The following MTRR variants were observed in gnomAD, a reference collection of about 807,000 sequenced individuals.
The protein encoded by MTRR is 5-methyltetrahydrofolate-homocysteine methyltransferase reductase.
MTRR carries 63 observed loss-of-function variants against 79.2 expected under a neutral mutation model. The observed-to-expected ratio is 0.80, with a 90% CI of 0.65 to 0.98. MTRR has a LOEUF of 0.98. Among genes scored for constraint, MTRR ranks in the 50% least tolerant of loss-of-function variants. The probability of loss-of-function intolerance (pLI) is 0.00; values close to 1 mark genes in which losing one functional copy is unlikely to be tolerated. For synonymous variants in MTRR, 355 were observed against 313.3 expected, an observed-to-expected ratio of 1.13 and a Z score of -1.41; for missense variants, 895 against 839.6, an observed-to-expected ratio of 1.07 and a Z score of -0.82.
intron 4 of MTRR, 116 bp downstream of exon 4, chr5:7,875,491 G>T: frequency 1.0e-6 from 1 of 996,580 alleles, no homozygotes; most frequent in South Asian, 1.3e-5. Flanking sequence ...TTTTACTTTT[G>T]TTCGCTTTTT....
At chr5:7,866,461 C>A (rs553253428), upstream of MTRR, among the ~76,000 whole-genome samples, 3 of 152,278 alleles carry the variant, frequency 2.0e-5, no homozygotes, top group African/African-American at 7.2e-5. Context: ...AGCTTTCTTC[C>A]CTCTACATGA....
In MTRR at chr5:7,873,435, C is replaced by T. The variant is rs1478314156; in HGVS notation, c.192C>T (p.Asp64=). The change falls in exon 3 of 15, where the codon GAC becomes GAT. Residue 64 remains aspartate (D), a synonymous_variant. Transcript: ENST00000440940. ...VVVVSTTGTG[D]PPDTARKFVK... ...TGGTTTCTACCACGGGCACCGGAGACCCACCCGACACAGCCCGCAAGTTTG... is the reference window on the plus strand; with the variant it reads ...TGGTTTCTACCACGGGCACCGGAGATCCACCCGACACAGCCCGCAAGTTTG... 2 of 1,614,146 alleles carry T rather than the reference C, an allele frequency of 1.2e-6. No individual in the cohort carries two copies. Among genetic ancestry groups the T allele is most frequent in the South Asian group, 2.2e-5 (2 of 91,078 alleles).
upstream of MTRR, chr5:7,867,060 T>C (rs770040059): frequency 5.6e-6 from 9 of 1,614,046 alleles, no homozygotes; most frequent in Admixed American, 1.5e-4. Flanking sequence ...CCAAAATATA[T>C]GAACGCCTCC....
chr5:7,885,974 A>T, intron 7 of MTRR, 120 bp downstream of exon 7: 2 of 1,344,148 alleles, frequency 1.5e-6, no homozygotes, highest in South Asian at 2.4e-5. Flanking sequence ...CCTGGGGCTC[A>T]GCTGCGCATC....
rs533789784 is a variant in MTRR at position 7,895,642 on chromosome 5, C to A, written c.1558-92C>A. 5.2e-5 allele frequency: 79 copies of A among 1,512,612 alleles called. No individual in the cohort carries two copies. The South Asian group carries it at 8.6e-4, about 16-fold the overall frequency. 93.7% of individuals were successfully genotyped at this position (1,512,612 alleles called of 1,614,324 possible). On this transcript the variant is annotated intron_variant, in intron 11 of 14. Transcript: ENST00000440940. ...GTGATGTTTCTTTGATGGGAATTTT[C>A]CCTTTCTGATTTGTTTAGCAAAGAT...
chr5:7,861,555 A>G, intron 1 of MTRR: 2 of 1,510,544 alleles, frequency 1.3e-6, no homozygotes, highest in Non-Finnish European at 1.8e-6. Flanking sequence ...GAGTCTTGTA[A>G]TGTGAAAAAC....
Position 7,883,163 on chromosome 5 carries a change from C to T in MTRR, c.789C>T (p.Ser263=), listed in dbSNP as rs577950573. 5 of 1,614,168 alleles carry T rather than the reference C, an allele frequency of 3.1e-6. No individual in the cohort carries two copies. The South Asian group carries it at 5.5e-5, about 18-fold the overall frequency. The change falls in exon 6 of 15, where the codon AGC becomes AGT. Residue 263 remains serine (S), a synonymous_variant. Coordinates refer to ENST00000440940, the MANE Select transcript of MTRR (RefSeq NM_002454.3). ...HLQESLGQEE[S]QVSVTSADPV... ...CACATTTGTTTTTCAAGGAGGAAAG[C>T]CAAGTATCTGTGACTTCAGCAGATC...
At chr5:7,866,809 G>T (rs1169472415), upstream of MTRR, 2 of 1,614,016 alleles carry the variant, frequency 1.2e-6, no homozygotes, top group African/African-American at 1.3e-5. Context: ...ATAAAGCAGA[G>T]GCATTTGGTG....
At chr5:7,873,558 G>C in intron 3 of MTRR, 32 bp downstream of exon 3, 1 of 1,608,838 alleles carries the variant, frequency 6.2e-7, no homozygotes, top group Non-Finnish European at 8.5e-7. Context: ...TCTTACTATA[G>C]TATACTATTG....
intron 14 of MTRR, among the ~76,000 whole-genome samples, chr5:7,899,217 C>A (rs551262416): frequency 3.9e-4 from 59 of 152,240 alleles, no homozygotes; most frequent in African/African-American, 1.4e-3. Flanking sequence ...CACTGGGAAC[C>A]ACATTTTAAC....
upstream of MTRR, among the ~76,000 whole-genome samples, chr5:7,865,619 G>C (rs1364797251): frequency 6.6e-6 from 1 of 152,198 alleles, no homozygotes; most frequent in African/African-American, 2.4e-5. Flanking sequence ...CTAAAACCCT[G>C]TAAAACCTTC....
chr5:7,854,015 T>A (rs1279013436), intron 1 of MTRR, among the ~76,000 whole-genome samples: 2 of 152,208 alleles, frequency 1.3e-5, no homozygotes, highest in East Asian at 3.9e-4. Flanking sequence ...CAAGGCAGAC[T>A]TTGGCAATTT....
At chr5:7,895,200 A>G (rs1173462589) in intron 11 of MTRR, among the ~76,000 whole-genome samples, 2 of 152,248 alleles carry the variant, frequency 1.3e-5, no homozygotes, top group Non-Finnish European at 2.9e-5. Flanking sequence ...AGATTTTGAT[A>G]ATTATATGAT....
intron 14 of MTRR, among the ~76,000 whole-genome samples, chr5:7,897,899 C>T (rs1445880694): frequency 6.6e-6 from 1 of 151,180 alleles, no homozygotes. Context: ...GGATTTAACA[C>T]ATTCTCTAAG....
upstream of MTRR, chr5:7,868,924 A>G: frequency 1.6e-6 from 1 of 638,842 alleles, no homozygotes; most frequent in South Asian, 1.7e-5. Context: ...AAAGCCGGCC[A>G]GGTCTTTGAC....
chr5:7,887,793 C>CATATATATATATAT (rs372829698), intron 8 of MTRR, among the ~76,000 whole-genome samples: 19 of 92,016 alleles, frequency 2.1e-4, no homozygotes, highest in Non-Finnish European at 2.3e-4. Flanking sequence ...TGTGTGTGTG[C>CATATATATATATAT]ATATATATAT....
chr5:7,883,350 T>A (rs1014370897), intron 6 of MTRR, 73 bp downstream of exon 6: 35 of 1,593,994 alleles, frequency 2.2e-5, no homozygotes, highest in Middle Eastern at 2.0e-4. Flanking sequence ...TGGTGCTTGG[T>A]TATATATGCT....
intron 1 of MTRR, 33 bp downstream of exon 1, chr5:7,869,248 C>T (rs763259749): frequency 2.5e-6 from 4 of 1,600,410 alleles, no homozygotes; most frequent in Admixed American, 1.7e-5. Flanking sequence ...TTCCCGGATT[C>T]CGGCCGCTCG....
Position 7,889,181 on chromosome 5 carries a change from C to A in MTRR, c.1233C>A (p.Ala411=). The A allele has an allele frequency of 6.2e-7, 1 of 1,613,990 alleles. No homozygotes were observed. Among genetic ancestry groups the A allele is most frequent in the East Asian group, 2.2e-5 (1 of 44,868 alleles). ...LQELCSKQGA[A]DYSRFVRDAC... Reference sequence around the variant, plus strand: ...AGCTGTGCAGTAAACAAGGGGCAGCCGATTATAGCCGCTTTGTACGAGATG... The same window carrying A: ...AGCTGTGCAGTAAACAAGGGGCAGCAGATTATAGCCGCTTTGTACGAGATG... Residue 411 remains alanine, a synonymous_variant, in exon 9 of 15, where the codon GCC becomes GCA. Transcript: ENST00000440940.
Sources: allele counts gnomAD v4.1 joint callset (sites outside exome capture counted in the v4.1 genomes callset), GRCh38; gene constraint gnomAD v4.1.1; transcripts MANE v1.5; gene names NCBI Gene and HGNC (gene_info 2026-07-23, HGNC 2026-07-21).